MRPL1: variants seen among roughly 807,000 people sequenced by gnomAD.
The protein encoded by MRPL1 is mitochondrial ribosomal protein L1.
A neutral mutation model predicts 38.0 loss-of-function variants in MRPL1; 28 were observed. That is an observed-to-expected ratio of 0.74 (90% confidence interval 0.55 to 1.01). The LOEUF is 1.01. MRPL1 is among the 50% of genes least tolerant of loss of function. The pLI, the probability that MRPL1 is intolerant of heterozygous loss-of-function variation, is 0.00. For missense variants in MRPL1, 358 were observed against 389.8 expected (o/e 0.92, Z 0.69); for synonymous variants, 123 against 126.7 (o/e 0.97, Z 0.20).
At chr4:77,902,921 A>G (rs1000200455) in intron 6 of MRPL1, among the ~76,000 whole-genome samples, 2 of 152,206 alleles carry the variant, frequency 1.3e-5, no homozygotes, top group African/African-American at 2.4e-5. Flanking sequence ...ATTCTATCCA[A>G]CGTTTTAAGG....
chr4:77,952,282 G>A (rs1035339835), intron 8 of MRPL1, among the ~76,000 whole-genome samples: 2 of 152,114 alleles, frequency 1.3e-5, no homozygotes, highest in African/African-American at 2.4e-5. Flanking sequence ...TAGAAGCTTG[G>A]TGATATTTTT....
chr4:77,872,789 G>A (rs914518989), intron 2 of MRPL1, among the ~76,000 whole-genome samples: 1 of 152,134 alleles, frequency 6.6e-6, no homozygotes, highest in Non-Finnish European at 1.5e-5. Context: ...CTTGAACCTG[G>A]GCAGCAGAGG....
chr4:77,922,087 A>G (rs1736594012), intron 7 of MRPL1, among the ~76,000 whole-genome samples: 1 of 152,210 alleles, frequency 6.6e-6, no homozygotes, highest in African/African-American at 2.4e-5. Context: ...ATAGAAGATG[A>G]ATGGTAGAAA....
Position 77,883,298 on chromosome 4 carries a change from A to G in MRPL1, c.200A>G (p.Asp67Gly), listed in dbSNP as rs374765104. ...AKEKTPDEKKDEIEKIKAYPY... is the reference protein window; with the variant it reads ...AKEKTPDEKKGEIEKIKAYPY... ...GAAAAAACACCAGATGAGAAAAAAGATGAAATAGAAAAAATAAAAGCATAT... is the reference window on the plus strand; with the variant it reads ...GAAAAAACACCAGATGAGAAAAAAGGTGAAATAGAAAAAATAAAAGCATAT... Residue 67 changes from aspartate (D) to glycine (G), a missense_variant, in exon 3 of 9, where the codon GAT becomes GGT. Coordinates refer to ENST00000315567, the MANE Select transcript of MRPL1 (RefSeq NM_020236.4). 1.0e-5 allele frequency: 16 copies of G among 1,602,452 alleles called. No individual in the cohort carries two copies. The highest frequency in any genetic ancestry group is 1.7e-5 in the Admixed American group (1 of 57,674).
chr4:77,910,987 T>G (rs1736274533), intron 7 of MRPL1, among the ~76,000 whole-genome samples: 1 of 152,284 alleles, frequency 6.6e-6, no homozygotes, highest in East Asian at 1.9e-4. Context: ...AAATACAAAT[T>G]TTAAGAGTCT....
chr4:77,863,072 T>A (rs988852483), intron 1 of MRPL1, 193 bp downstream of exon 1: 14 of 654,582 alleles, frequency 2.1e-5, no homozygotes, highest in Non-Finnish European at 3.1e-5. Flanking sequence ...TCTGGAGACG[T>A]CCACCCTGAG....
At position 77,940,321 on chromosome 4, in the gene MRPL1, T is replaced by C. The variant is rs1429889950; in HGVS notation, c.778-9476T>C. Among the ~76,000 whole-genome samples, 6 of 152,320 alleles carry C rather than the reference T, an allele frequency of 3.9e-5. No homozygotes were observed. The East Asian group carries it at 5.8e-4, about 15-fold the overall frequency. On this transcript the variant is annotated intron_variant, in intron 7 of 8. Coordinates refer to ENST00000315567, the MANE Select transcript of MRPL1 (RefSeq NM_020236.4). ...TTTTTGGAGCTATTGTAAAGAGGGT[T>C]GAGTTCTTGACTTGATTCTCAGCTT...
At chr4:77,913,019 C>G (rs1210866866) in intron 7 of MRPL1, among the ~76,000 whole-genome samples, 2 of 152,072 alleles carry the variant, frequency 1.3e-5, no homozygotes, top group Non-Finnish European at 2.9e-5. Context: ...TCAACCAATA[C>G]TTCAAGACAT....
intron 7 of MRPL1, among the ~76,000 whole-genome samples, chr4:77,918,488 G>C (rs761967677): frequency 2.0e-5 from 3 of 152,132 alleles, no homozygotes; most frequent in Non-Finnish European, 2.9e-5. Flanking sequence ...CTGTGTGAAA[G>C]AGGCAAGAGG....
chr4:77,907,900 T>C (rs1211870733), intron 6 of MRPL1, among the ~76,000 whole-genome samples: 3 of 150,354 alleles, frequency 2.0e-5, no homozygotes, highest in African/African-American at 7.3e-5. Context: ...TTCTTTTTTT[T>C]TTTTTTTGAG....
At chr4:77,916,707 T>C (rs1453058203) in intron 7 of MRPL1, among the ~76,000 whole-genome samples, 1 of 152,168 alleles carries the variant, frequency 6.6e-6, no homozygotes, top group Non-Finnish European at 1.5e-5. Flanking sequence ...TATTCTATCA[T>C]ATACCATAAT....
At chr4:77,931,631 G>A (rs759942392) in intron 7 of MRPL1, among the ~76,000 whole-genome samples, 3 of 152,192 alleles carry the variant, frequency 2.0e-5, no homozygotes, top group Non-Finnish European at 4.4e-5. Context: ...TACCACAGCT[G>A]CAGAACTATT....
chr4:77,871,900 A>C, intron 2 of MRPL1, 45 bp downstream of exon 2: 2 of 1,305,786 alleles, frequency 1.5e-6, no homozygotes, highest in Non-Finnish European at 2.2e-6. Flanking sequence ...TGTCATTTTA[A>C]TTTTTTTTAA....
At chr4:77,909,969 A>G (rs1004201860) in intron 7 of MRPL1, among the ~76,000 whole-genome samples, 2 of 152,200 alleles carry the variant, frequency 1.3e-5, no homozygotes, top group African/African-American at 2.4e-5. Flanking sequence ...AAGAATCTCT[A>G]AAGTGCCTAT....
At chr4:77,921,609 A>T (rs1230816674) in intron 7 of MRPL1, among the ~76,000 whole-genome samples, 1 of 152,228 alleles carries the variant, frequency 6.6e-6, no homozygotes, top group Non-Finnish European at 1.5e-5. Context: ...GAAGAAAAAC[A>T]TGCTCAAAAA....
chr4:77,916,441 A>G (rs557794939), intron 7 of MRPL1, among the ~76,000 whole-genome samples: 2 of 152,292 alleles, frequency 1.3e-5, no homozygotes, highest in African/African-American at 2.4e-5. Flanking sequence ...AAGAAACACC[A>G]GAGCCCCTTT....
chr4:77,943,711 T>C (rs1327409013), intron 7 of MRPL1, among the ~76,000 whole-genome samples: 1 of 152,160 alleles, frequency 6.6e-6, no homozygotes, highest in African/African-American at 2.4e-5. Context: ...GTGTCCTTCA[T>C]TTCCGGAAGT....
At chr4:77,877,205 A>G (rs1203393276) in intron 2 of MRPL1, among the ~76,000 whole-genome samples, 1 of 152,104 alleles carries the variant, frequency 6.6e-6, no homozygotes, top group Admixed American at 6.6e-5. Context: ...TGGCCTGACA[A>G]TGGGTTTTTT....
chr4:77,873,578 T>G (rs1326478537), intron 2 of MRPL1, among the ~76,000 whole-genome samples: 1 of 152,244 alleles, frequency 6.6e-6, no homozygotes, highest in African/African-American at 2.4e-5. Flanking sequence ...CTTATTTCCA[T>G]AAACTTAATT....
Sources: gnomAD v4.1 joint callset for allele counts (sites outside exome capture counted in the v4.1 genomes callset) on GRCh38, gnomAD v4.1.1 for gene constraint, MANE v1.5 for transcripts, NCBI Gene and HGNC (gene_info 2026-07-23, HGNC 2026-07-21) for gene names.